The following FHL2 variants were observed in gnomAD, a reference collection of about 807,000 sequenced individuals.
FHL2 encodes four and a half LIM domains protein 2.
In FHL2, 20 loss-of-function variants were observed where a neutral mutation model predicts 32.7. That is an observed-to-expected ratio of 0.61 (90% CI 0.43 to 0.89). FHL2 has a LOEUF of 0.89. Ranked by LOEUF, FHL2 falls within the 40% of genes least tolerant of loss-of-function variation. FHL2 has a pLI of 0.00. For synonymous variants in FHL2, 123 were observed against 128.1 expected, an observed-to-expected ratio of 0.96 and a Z score of 0.27; for missense variants, 311 against 358.6, an observed-to-expected ratio of 0.87 and a Z score of 1.07.
intron 4 of FHL2, among the ~76,000 whole-genome samples, chr2:105,371,771 C>A (rs1349431364): frequency 6.6e-6 from 1 of 152,032 alleles, no homozygotes; most frequent in Non-Finnish European, 1.5e-5. Flanking sequence ...TTCCTTGGGC[C>A]CTTGTTCAGG....
At chr2:105,419,612 C>T (rs1684039351) in intron 1 of FHL2, among the ~76,000 whole-genome samples, 1 of 152,104 alleles carries the variant, frequency 6.6e-6, no homozygotes, top group Admixed American at 6.5e-5. Context: ...ATTAGGTTCC[C>T]CTATATGTGT....
At chr2:105,402,654 A>G (rs1238826641), upstream of FHL2, among the ~76,000 whole-genome samples, 1 of 152,218 alleles carries the variant, frequency 6.6e-6, no homozygotes, top group Non-Finnish European at 1.5e-5. Context: ...ATGGCAAGAA[A>G]TTGAGGAGGG....
chr2:105,423,235 A>C (rs1310407227), intron 1 of FHL2, among the ~76,000 whole-genome samples: 1 of 152,230 alleles, frequency 6.6e-6, no homozygotes, highest in African/African-American at 2.4e-5. Flanking sequence ...AAAATGAAAC[A>C]TGAAGCTTTT....
chr2:105,363,453 C>T lies in FHL2; in HGVS notation c.520G>A (p.Val174Ile), dbSNP rs1396311516. 4.3e-6 allele frequency: 7 copies of T among 1,609,976 alleles called. No homozygotes were observed. The highest frequency in any genetic ancestry group is 1.7e-5 in the Admixed American group (1 of 59,342). Residue 174 changes from valine to isoleucine, a missense_variant, in exon 6 of 7, where the codon GTC becomes ATC. Transcript: ENST00000530340. ...TGCCAGGGCTGCTCCCGGTAAGTGA[C>T]CCCTCCCGTGGTGATGGGCTGCAGG... Reference protein sequence around the residue: ...QCKKPITTGGVTYREQPWHKE... With the variant: ...QCKKPITTGGITYREQPWHKE...
chr2:105,371,415 C>T (rs560955777), intron 4 of FHL2, among the ~76,000 whole-genome samples: 6 of 152,144 alleles, frequency 3.9e-5, no homozygotes, highest in African/African-American at 1.2e-4. Context: ...TTCCAGCCTG[C>T]CGCCCTACGG....
intron 1 of FHL2, among the ~76,000 whole-genome samples, chr2:105,421,885 CTTTGATTTAA>C (rs1684112112): frequency 6.6e-6 from 1 of 152,202 alleles, no homozygotes; most frequent in Non-Finnish European, 1.5e-5. Flanking sequence ...AGATCTGTTT[CTTTGATTTAA>C]TGGAAAAGAT....
intron 4 of FHL2, among the ~76,000 whole-genome samples, chr2:105,370,443 A>C (rs1271562170): frequency 6.6e-6 from 1 of 151,684 alleles, no homozygotes; most frequent in Non-Finnish European, 1.5e-5. Flanking sequence ...TCGCTACTTG[A>C]GTCTGCTCAG....
chr2:105,361,192 G>GC lies in FHL2; in HGVS notation c.*90_*91insG. 7.3e-7 allele frequency: 1 copy of GC among 1,361,518 alleles called. No homozygotes were observed. The highest frequency in any genetic ancestry group is 1.0e-6 in the Non-Finnish European group (1 of 980,502). The allele number at this position is 1,361,518 out of a possible 1,614,324, so 84.3% of individuals were successfully genotyped here. ...CTAGAAGAAAGTCTCAATGTGGCTG[G>GC]AAGAAACCAGAAGGCAAGATTGCCT... is the stretch of plus-strand genomic sequence containing the variant. On this transcript the variant is annotated 3_prime_UTR_variant, in exon 7 of 7. Coordinates refer to ENST00000530340, the MANE Select transcript of FHL2 (RefSeq NM_001318895.3).
At chr2:105,385,271 C>A (rs544885673) in intron 3 of FHL2, among the ~76,000 whole-genome samples, 8 of 152,270 alleles carry the variant, frequency 5.3e-5, no homozygotes, top group Admixed American at 1.3e-4. Context: ...TCCCTGGGAA[C>A]AGAAAGTGAT....
chr2:105,405,447 G>A (rs1683599437), intron 1 of FHL2, among the ~76,000 whole-genome samples: 1 of 152,106 alleles, frequency 6.6e-6, no homozygotes, highest in Non-Finnish European at 1.5e-5. Context: ...GTCTTACTCT[G>A]TCACCCAGGC....
intron 3 of FHL2, chr2:105,378,767 T>C (rs1053157493): frequency 6.6e-6 from 1 of 152,636 alleles, no homozygotes; most frequent in African/African-American, 2.4e-5. Flanking sequence ...CTCTTTTCCC[T>C]GAAGATAAAT....
At chr2:105,430,466 A>G (rs1558735724) in intron 1 of FHL2, among the ~76,000 whole-genome samples, 1 of 152,220 alleles carries the variant, frequency 6.6e-6, no homozygotes, top group African/African-American at 2.4e-5. Context: ...CAGGAGTTTG[A>G]GACCAGCCGG....
intron 1 of FHL2, among the ~76,000 whole-genome samples, chr2:105,397,383 A>G (rs1379221813): frequency 2.0e-5 from 3 of 152,152 alleles, no homozygotes; most frequent in Admixed American, 2.0e-4. Flanking sequence ...TAACAACCCT[A>G]ACAAAAAGAC....
At chr2:105,386,312 G>A (rs200458193) in intron 3 of FHL2, 49 bp downstream of exon 3, 15 of 1,594,108 alleles carry the variant, frequency 9.4e-6, no homozygotes, top group Middle Eastern at 2.2e-4. Flanking sequence ...AGAGAAACCC[G>A]TGTTTCCTAG....
upstream of FHL2, among the ~76,000 whole-genome samples, chr2:105,401,676 C>T (rs1013388272): frequency 6.6e-6 from 1 of 152,086 alleles, no homozygotes; most frequent in Non-Finnish European, 1.5e-5. Flanking sequence ...CAGTATGGTG[C>T]ATTTTAGAAT....
Position 105,422,364 on chromosome 2 carries a change from G to T in FHL2, c.-25+16035C>A, listed in dbSNP as rs79551438. ...ATGTCATGTGCATGGGAATTGCAGG[G>T]GCCCTATGTGGATGGATCCTTGGTG... On this transcript the variant is annotated intron_variant, in intron 1 of 5. Transcript: ENST00000393352. Among the ~76,000 whole-genome samples, 499 of 152,240 alleles carry T rather than the reference G, an allele frequency of 3.3e-3. 2 individuals carry two copies. The highest frequency in any genetic ancestry group is 0.012 in the African/African-American group (484 of 41,536).
chr2:105,429,377 G>C (rs1441495192), intron 1 of FHL2, among the ~76,000 whole-genome samples: 1 of 152,110 alleles, frequency 6.6e-6, no homozygotes, highest in East Asian at 1.9e-4. Context: ...CATGAGATAG[G>C]GGGATTATTC....
intron 2 of FHL2, among the ~76,000 whole-genome samples, chr2:105,390,419 C>T (rs34199130): frequency 0.26 from 39,607 of 152,044 alleles, 5,243 homozygotes; most frequent in African/African-American, 0.28. Context: ...CTCAGTGGGT[C>T]CACCTGGGAG....
chr2:105,361,579 A>T (rs1680263804), intron 6 of FHL2, 145 bp from the exon 7 acceptor site: 1 of 659,342 alleles, frequency 1.5e-6, no homozygotes, highest in African/African-American at 1.8e-5. Flanking sequence ...GGTGTTGGGA[A>T]TCCATATGTA....
Sources: gnomAD v4.1 joint callset for allele counts (sites outside exome capture counted in the v4.1 genomes callset) on GRCh38, gnomAD v4.1.1 for gene constraint, MANE v1.5 for transcripts, NCBI Gene and HGNC (gene_info 2026-07-23, HGNC 2026-07-21) for gene names.